The following COL19A1 variants were observed in gnomAD, a reference collection of about 807,000 sequenced individuals.
The protein encoded by COL19A1 is collagen alpha-1(XIX) chain.
A neutral mutation model predicts 190.2 loss-of-function variants in COL19A1; 159 were observed. That is an observed-to-expected ratio of 0.84 (90% CI 0.73 to 0.95). COL19A1 has a LOEUF of 0.95. Among genes scored for constraint, COL19A1 ranks in the 40% least tolerant of loss-of-function variants. COL19A1 has a pLI of 0.00. For synonymous variants in COL19A1, 509 were observed against 458.9 expected, an observed-to-expected ratio of 1.11 and a Z score of -1.39; for missense variants, 1,418 against 1,431.9, an observed-to-expected ratio of 0.99 and a Z score of 0.16.
intron 39 of COL19A1, 67 bp from the exon 40 acceptor site, chr6:70,168,588 A>T (rs1183517045): frequency 6.6e-7 from 1 of 1,524,032 alleles, no homozygotes; most frequent in East Asian, 2.3e-5. Context: ...ATTGGACAAC[A>T]GTGTTTCTTA....
rs59538478 is a variant in COL19A1 at position 70,124,555 on chromosome 6, CAAA to C, written c.1341+2627_1341+2629del. On this transcript the variant is annotated intron_variant, in intron 17 of 50. Coordinates refer to ENST00000620364, the MANE Select transcript of COL19A1 (RefSeq NM_001858.6). The stretch of plus-strand genomic sequence containing the variant: ...ATTTTTAAACTTTAAGGTTATATTT[CAAA>C]AAAAAAAAAAAAATGGGCACTGACC... 5.3e-3 allele frequency among the ~76,000 whole-genome samples: 633 copies of C among 118,552 alleles called. 5 individuals carry two copies. Among genetic ancestry groups the C allele is most frequent in the African/African-American group, 0.017 (608 of 35,224 alleles). The allele number at this position is 118,552 out of a possible 152,430, so 77.8% of individuals were successfully genotyped here.
chr6:69,900,081 TA>T lies in COL19A1; in HGVS notation c.167-154del, dbSNP rs528118060. ...AAGTGAATTTCATTCTCTTTTACCCTAAAAGGAGAAAAATAAAATCAAGAAA... is the reference window on the plus strand; with the variant it reads ...AAGTGAATTTCATTCTCTTTTACCCTAAAGGAGAAAAATAAAATCAAGAAA... On this transcript the variant is annotated intron_variant, in intron 3 of 50. Transcript: ENST00000620364. 6.6e-5 allele frequency among the ~76,000 whole-genome samples: 10 copies of T among 152,232 alleles called. No individual in the cohort carries two copies. In the East Asian group the frequency reaches 1.2e-3, roughly 18 times the overall value.
chr6:70,116,647 T>G (rs886872646), intron 16 of COL19A1, among the ~76,000 whole-genome samples: 9 of 141,908 alleles, frequency 6.3e-5, no homozygotes, highest in African/African-American at 2.1e-4. Flanking sequence ...TCCTAATGAC[T>G]GTTTTTTTTT....
chr6:70,104,810 A>C (rs530875738), intron 16 of COL19A1, among the ~76,000 whole-genome samples: 25 of 152,312 alleles, frequency 1.6e-4, no homozygotes, highest in African/African-American at 4.6e-4. Context: ...GTCTCAAAGG[A>C]GGAATTTGAA....
In COL19A1 at chr6:69,976,638, C is replaced by T. The variant is rs75187070; in HGVS notation, c.1026+13768C>T. 4.0e-5 allele frequency among the ~76,000 whole-genome samples: 6 copies of T among 151,798 alleles called. No individual in the cohort carries two copies. The South Asian group carries it at 6.3e-4, about 16-fold the overall frequency. Reference sequence around the variant, plus strand: ...GCATAGGTAAGAGTTCTCCAGAACACGGAAGAGGCAAATGAAACAGTTCAT... The same window carrying T: ...GCATAGGTAAGAGTTCTCCAGAACATGGAAGAGGCAAATGAAACAGTTCAT... On this transcript the variant is annotated intron_variant, in intron 11 of 50. Transcript: ENST00000620364.
intron 39 of COL19A1, among the ~76,000 whole-genome samples, 175 bp downstream of exon 39, chr6:70,168,390 C>G (rs2150269018): frequency 6.6e-6 from 1 of 152,132 alleles, no homozygotes; most frequent in South Asian, 2.1e-4. Flanking sequence ...TGTATGCAGC[C>G]AAAATAATGG....
Position 69,900,921 on chromosome 6 carries a change from A to C in COL19A1, c.266+583A>C, listed in dbSNP as rs547547918. Among the ~76,000 whole-genome samples the C allele has an allele frequency of 5.3e-5, 8 of 149,866 alleles. No homozygotes were observed. In the South Asian group the frequency reaches 1.7e-3, roughly 32 times the overall value. On this transcript the variant is annotated intron_variant, in intron 4 of 50. Coordinates refer to ENST00000620364, the MANE Select transcript of COL19A1 (RefSeq NM_001858.6). ...TTTCTACAGATACACTTAGAGTTAC[A>C]AAAAAAAAATCACTTTCCATTCAAA...
chr6:69,873,524 A>T (rs1198234815), intron 1 of COL19A1, among the ~76,000 whole-genome samples: 28 of 152,234 alleles, frequency 1.8e-4, no homozygotes, highest in Admixed American at 1.8e-3. Context: ...ATCCCATATC[A>T]CCTGCTCTGT....
At chr6:69,872,245 A>G (rs891642094) in intron 1 of COL19A1, among the ~76,000 whole-genome samples, 10 of 152,152 alleles carry the variant, frequency 6.6e-5, no homozygotes, top group African/African-American at 2.4e-4. Context: ...GAGTGGTACA[A>G]TGGACTTTCC....
intron 17 of COL19A1, among the ~76,000 whole-genome samples, chr6:70,122,150 CTAA>C (rs567471674): frequency 7.1e-4 from 108 of 151,990 alleles, no homozygotes; most frequent in African/African-American, 2.5e-3. Context: ...GGGTTTTATC[CTAA>C]TAAGTTTTTT....
At chr6:70,000,325 A>G (rs561627531) in intron 11 of COL19A1, among the ~76,000 whole-genome samples, 13 of 152,344 alleles carry the variant, frequency 8.5e-5, no homozygotes, top group African/African-American at 3.1e-4. Flanking sequence ...GCTGCAATAA[A>G]CATACGTGTA....
rs1771891914 is a variant in COL19A1, at chr6:69,921,481, T to TATAGATTCATATATATTC, written c.267-6425_267-6424insGATTCATATATATTCATA. ...TATATCATATATATTCATATATTCA[T>TATAGATTCATATATATTC]ATATATTCATATATATTCATATATA... On this transcript the variant is annotated intron_variant, in intron 4 of 50. Transcript: ENST00000620364. 3.2e-3 allele frequency among the ~76,000 whole-genome samples: 274 copies of TATAGATTCATATATATTC among 86,060 alleles called. 36 individuals carry two copies. The highest frequency in any genetic ancestry group is 0.016 in the African/African-American group (260 of 16,366). 56.5% of individuals were successfully genotyped at this position (86,060 alleles called of 152,430 possible).
In COL19A1 at chr6:70,171,359, G is replaced by A. The variant is rs551169688; in HGVS notation, c.2569-605G>A. ...GGATCTACAGGCTCCAGCTAGCCTGGGACCATACACTAGAAAATGTAAAGA... is the reference window on the plus strand; with the variant it reads ...GGATCTACAGGCTCCAGCTAGCCTGAGACCATACACTAGAAAATGTAAAGA... On this transcript the variant is annotated intron_variant, in intron 40 of 50. Coordinates refer to ENST00000620364, the MANE Select transcript of COL19A1 (RefSeq NM_001858.6). 1.6e-4 allele frequency among the ~76,000 whole-genome samples: 25 copies of A among 151,928 alleles called. 1 individual carries two copies. Among genetic ancestry groups the A allele is most frequent in the Non-Finnish European group, 2.6e-4 (18 of 67,984 alleles).
intron 17 of COL19A1, among the ~76,000 whole-genome samples, chr6:70,124,704 T>C (rs1339402889): frequency 6.6e-6 from 1 of 152,192 alleles, no homozygotes; most frequent in African/African-American, 2.4e-5. Flanking sequence ...TCACAGGTAT[T>C]TAGTCCACGT....
chr6:69,927,297 C>G (rs1772462649), intron 4 of COL19A1, among the ~76,000 whole-genome samples: 1 of 151,910 alleles, frequency 6.6e-6, no homozygotes, highest in African/African-American at 2.4e-5. Context: ...ATACATAAAG[C>G]AATATTAGAA....
At chr6:70,095,740 A>G (rs543159754) in intron 15 of COL19A1, among the ~76,000 whole-genome samples, 1 of 152,112 alleles carries the variant, frequency 6.6e-6, no homozygotes, top group Non-Finnish European at 1.5e-5. Flanking sequence ...TTTCTGTCCT[A>G]TGAATTTGGC....
At chr6:69,989,620 ATTC>A (rs1161586128) in intron 11 of COL19A1, among the ~76,000 whole-genome samples, 1 of 147,798 alleles carries the variant, frequency 6.8e-6, no homozygotes, top group Non-Finnish European at 1.5e-5. Context: ...GCCCAAGATA[ATTC>A]TTCTTCCAAT....
rs532350752 is a variant in COL19A1, at chr6:70,210,333, C to A, written c.*3059C>A. On this transcript the variant is annotated 3_prime_UTR_variant, in exon 51 of 51. Coordinates refer to ENST00000620364, the MANE Select transcript of COL19A1 (RefSeq NM_001858.6). Reference sequence around the variant, plus strand: ...TCCAAAGAAAAACAGAAGAATAATTCATGGATTTGTTCATTGTTCTTTCCA... The same window carrying A: ...TCCAAAGAAAAACAGAAGAATAATTAATGGATTTGTTCATTGTTCTTTCCA... Among the ~76,000 whole-genome samples, 1 of 152,094 alleles carries A rather than the reference C, an allele frequency of 6.6e-6. No homozygotes were observed. The highest frequency in any genetic ancestry group is 1.5e-5 in the Non-Finnish European group (1 of 67,962).
At chr6:69,909,839 C>T (rs1770793519) in intron 4 of COL19A1, among the ~76,000 whole-genome samples, 1 of 152,124 alleles carries the variant, frequency 6.6e-6, no homozygotes, top group Admixed American at 6.5e-5. Context: ...ATAGGCCTCT[C>T]ATATGGTATC....
Sources: allele counts gnomAD v4.1 joint callset (sites outside exome capture counted in the v4.1 genomes callset), GRCh38; gene constraint gnomAD v4.1.1; transcripts MANE v1.5; gene names NCBI Gene and HGNC (gene_info 2026-07-23, HGNC 2026-07-21).